Variants in MGMT observed in about 807,000 individuals in gnomAD.
MGMT encodes methylated-DNA--protein-cysteine methyltransferase.
Under a neutral mutation model 15.9 loss-of-function variants are expected in MGMT, and 14 were observed. The observed-to-expected ratio is 0.88, with a 90% CI of 0.58 to 1.37. The LOEUF is 1.37. Ranked by LOEUF, MGMT falls within the 40% of genes most tolerant of loss-of-function variation. MGMT has a pLI of 0.00. For missense variants in MGMT, 282 were observed against 268.1 expected (o/e 1.05, Z -0.36); for synonymous variants, 130 against 118.2 (o/e 1.10, Z -0.65).
intron 2 of MGMT, among the ~76,000 whole-genome samples, chr10:129,644,338 C>T (rs1333269560): frequency 1.3e-5 from 2 of 152,182 alleles, no homozygotes; most frequent in South Asian, 2.1e-4. Flanking sequence ...CAGTACACTG[C>T]GGCATGTGCT....
intron 2 of MGMT, among the ~76,000 whole-genome samples, chr10:129,554,564 G>A (rs189720191): frequency 1.0e-3 from 159 of 152,196 alleles, no homozygotes; most frequent in African/African-American, 3.2e-3. Flanking sequence ...AAACAGTCTC[G>A]ATGAACACTA....
intron 1 of MGMT, among the ~76,000 whole-genome samples, chr10:129,500,270 T>G (rs1845562112): frequency 1.3e-5 from 2 of 152,104 alleles, no homozygotes; most frequent in African/African-American, 4.8e-5. Flanking sequence ...TGTGCTGTGG[T>G]GGGGTGAACT....
chr10:129,482,173 G>C (rs754490209), intron 1 of MGMT, among the ~76,000 whole-genome samples: 20 of 152,084 alleles, frequency 1.3e-4, no homozygotes, highest in South Asian at 6.2e-4. Flanking sequence ...TTATTTATTA[G>C]TACATCATTT....
At chr10:129,647,865 G>C (rs1213540798) in intron 2 of MGMT, among the ~76,000 whole-genome samples, 1 of 152,138 alleles carries the variant, frequency 6.6e-6, no homozygotes, top group East Asian at 1.9e-4. Flanking sequence ...TACTGAAAAT[G>C]ACAAAAATGT....
In MGMT at chr10:129,708,027, T is replaced by C. The variant is rs754184302; in HGVS notation, c.258T>C (p.His86=). The part of the protein sequence containing the change: ...IEEFPVPALH[H]PVFQQESFTR... ...AGTTCCCCGTGCCGGCTCTTCACCA[T>C]CCCGTTTTCCAGCAAGGTCGGTAAC... The change falls in exon 3 of 5, where the codon CAT becomes CAC. Residue 86 remains histidine (H), a synonymous_variant. Coordinates refer to ENST00000651593, the MANE Select transcript of MGMT (RefSeq NM_002412.5). The C allele has an allele frequency of 4.3e-6, 7 of 1,612,406 alleles. No homozygotes were observed. The highest frequency in any genetic ancestry group is 5.9e-6 in the Non-Finnish European group (7 of 1,179,374).
At chr10:129,536,101 G>C in intron 1 of MGMT, 140 bp from the exon 2 acceptor site, 1 of 928,868 alleles carries the variant, frequency 1.1e-6, no homozygotes, top group Non-Finnish European at 1.6e-6. Context: ...TTGTGAAAAT[G>C]ATGCATCGTA....
At chr10:129,626,514 A>G (rs510224) in intron 2 of MGMT, among the ~76,000 whole-genome samples, 152,135 of 152,280 alleles carry the variant, frequency 1, 75,996 homozygotes, top group Middle Eastern at 1. Context: ...GCCCCGCGGC[A>G]TGTTCTGCCT....
chr10:129,605,505 G>A (rs1375952125), intron 2 of MGMT, among the ~76,000 whole-genome samples: 1 of 151,938 alleles, frequency 6.6e-6, no homozygotes, highest in Non-Finnish European at 1.5e-5. Flanking sequence ...TGTGTAAACA[G>A]AATAAACAGA....
chr10:129,586,398 A>G (rs905417282), intron 2 of MGMT, among the ~76,000 whole-genome samples: 3 of 152,218 alleles, frequency 2.0e-5, no homozygotes, highest in South Asian at 4.2e-4. Flanking sequence ...GTCACTGTGC[A>G]TTAGTTTGAT....
At chr10:129,740,684 A>C (rs1159280466) in intron 3 of MGMT, among the ~76,000 whole-genome samples, 1 of 152,098 alleles carries the variant, frequency 6.6e-6, no homozygotes, top group Admixed American at 6.5e-5. Flanking sequence ...AGCAGCAGGC[A>C]TGGGATGCCT....
chr10:129,737,141 T>C (rs1848572880), intron 3 of MGMT, among the ~76,000 whole-genome samples: 1 of 152,210 alleles, frequency 6.6e-6, no homozygotes, highest in Non-Finnish European at 1.5e-5. Flanking sequence ...CTGGATAATA[T>C]CCTGCAGAGT....
At chr10:129,687,449 A>G (rs1024733572) in intron 2 of MGMT, among the ~76,000 whole-genome samples, 1 of 152,320 alleles carries the variant, frequency 6.6e-6, no homozygotes, top group East Asian at 1.9e-4. Context: ...TCTCTGGTGC[A>G]CAGGGGGGAC....
chr10:129,735,584 A>G (rs1195110599), intron 3 of MGMT, among the ~76,000 whole-genome samples: 1 of 145,654 alleles, frequency 6.9e-6, no homozygotes, highest in East Asian at 2.1e-4. Context: ...GATTTTAGTT[A>G]TTTCTTGCCT....
intron 2 of MGMT, among the ~76,000 whole-genome samples, chr10:129,620,089 C>T (rs921857160): frequency 6.6e-6 from 1 of 152,080 alleles, no homozygotes; most frequent in Admixed American, 6.5e-5. Context: ...CATTGGAGGC[C>T]GTTCATGATC....
In MGMT at chr10:129,769,430, G is replaced by A. The variant is rs554277725; in HGVS notation, c.*2433G>A. The stretch of plus-strand genomic sequence containing the variant: ...TATTTTCCAAATAAAAAGAAATGTC[G>A]AAACAAGAAAGCTGTGTTCTTCAGC... On this transcript the variant is annotated 3_prime_UTR_variant, in exon 5 of 5. Transcript: ENST00000651593. 4 of 152,130 alleles carry A rather than the reference G, an allele frequency of 2.6e-5. No homozygotes were observed. Among genetic ancestry groups the A allele is most frequent in the South Asian group, 2.1e-4 (1 of 4,800 alleles). 9.4% of individuals were successfully genotyped at this position (152,130 alleles called of 1,614,324 possible).
chr10:129,609,804 G>C (rs1220169950), intron 2 of MGMT, among the ~76,000 whole-genome samples: 1 of 152,104 alleles, frequency 6.6e-6, no homozygotes, highest in Non-Finnish European at 1.5e-5. Context: ...AGGAGGAGGA[G>C]CAGTGCGGAG....
intron 2 of MGMT, among the ~76,000 whole-genome samples, chr10:129,636,332 C>A (rs1045684234): frequency 6.6e-6 from 1 of 152,202 alleles, no homozygotes; most frequent in Non-Finnish European, 1.5e-5. Context: ...CACGTATAAC[C>A]AGCACAGAGG....
At chr10:129,679,756 T>C (rs141461317) in intron 2 of MGMT, among the ~76,000 whole-genome samples, 2 of 152,306 alleles carry the variant, frequency 1.3e-5, no homozygotes, top group African/African-American at 4.8e-5. Flanking sequence ...CTCGATGCCA[T>C]TGAAACAAAA....
chr10:129,737,358 C>T (rs893424124), intron 3 of MGMT, among the ~76,000 whole-genome samples: 2 of 152,132 alleles, frequency 1.3e-5, no homozygotes, highest in Admixed American at 1.3e-4. Context: ...GCTCCTGAGG[C>T]TTCTGCATTC....
Sources: gnomAD v4.1 joint callset for allele counts (sites outside exome capture counted in the v4.1 genomes callset) on GRCh38, gnomAD v4.1.1 for gene constraint, MANE v1.5 for transcripts, NCBI Gene and HGNC (gene_info 2026-07-23, HGNC 2026-07-21) for gene names.